CCR1: variants seen among roughly 807,000 people sequenced by gnomAD.
The protein encoded by CCR1 is C-C chemokine receptor type 1.
CCR1 carries 1 observed loss-of-function variant against 0.3 expected under a neutral mutation model. That is an observed-to-expected ratio of 3.70 (90% CI 1.31 to 17.54). The LOEUF (loss-of-function observed/expected upper bound fraction) is 17.54. Ranked by LOEUF, CCR1 falls within the 30% of genes most tolerant of loss-of-function variation. The pLI is 0.11. For missense variants in CCR1, 349 were observed against 435.4 expected (o/e 0.80, Z 1.77); for synonymous variants, 207 against 182.5 (o/e 1.13, Z -1.08).
In CCR1 at chr3:46,204,325, C is replaced by T; in HGVS notation, c.-11-1G>A. ...TTTGGAGTTTCCATCCCGGCTTCTCCTACAGGTTAAAAAAAAAAAAAAGAT... is the reference window on the plus strand; with the variant it reads ...TTTGGAGTTTCCATCCCGGCTTCTCTTACAGGTTAAAAAAAAAAAAAAGAT... On this transcript the variant is annotated splice_acceptor_variant, in intron 1 of 1. Coordinates refer to ENST00000296140, the MANE Select transcript of CCR1 (RefSeq NM_001295.3). LOFTEE classifies it low-confidence loss of function (5UTR_SPLICE). The T allele has an allele frequency of 1.3e-6, 2 of 1,512,634 alleles. No individual in the cohort carries two copies. Among genetic ancestry groups the T allele is most frequent in the Non-Finnish European group, 1.8e-6 (2 of 1,132,480 alleles). The allele number at this position is 1,512,634 out of a possible 1,614,324, so 93.7% of individuals were successfully genotyped here.
Position 46,204,139 on chromosome 3 carries a change from G to A in CCR1, c.175C>T (p.Leu59Phe). The A allele has an allele frequency of 6.2e-7, 1 of 1,614,150 alleles. No homozygotes were observed. Among genetic ancestry groups the A allele is most frequent in the Non-Finnish European group, 8.5e-7 (1 of 1,180,038 alleles). ...TTTTTTAGCCTCTTGTATTGCACAA[G>A]GACCAGGACCACCAGGATGTTTCCA... The part of the protein sequence containing the change: ...LVGNILVVLV[L>F]VQYKRLKNMT... Residue 59 changes from leucine to phenylalanine, a missense_variant, in exon 2 of 2, where the codon CTT becomes TTT. Physicochemically the swap from Leu to Phe is conservative, Grantham distance 22. Transcript: ENST00000296140.
chr3:46,203,179 G>T lies in CCR1; in HGVS notation c.*67C>A. The stretch of plus-strand genomic sequence containing the variant: ...AGTCAGAACCTGGCTGGGAGAGCCA[G>T]GCTGCTGGCTCAGTGTGCCTGGCAG... On this transcript the variant is annotated 3_prime_UTR_variant, in exon 2 of 2. Coordinates refer to ENST00000296140, the MANE Select transcript of CCR1 (RefSeq NM_001295.3). This position sits in a 1 kb window ranked among gnomAD's most constrained non-coding sequence, Gnocchi z 4.5. 1 of 1,193,140 alleles carries T rather than the reference G, an allele frequency of 8.4e-7. No homozygotes were observed. The highest frequency in any genetic ancestry group is 1.2e-6 in the Non-Finnish European group (1 of 829,662). The allele number at this position is 1,193,140 out of a possible 1,614,324, so 73.9% of individuals were successfully genotyped here. A position where few individuals can be genotyped will look rare whatever the true frequency, so the allele number is the denominator to read the frequency against.
rs1699615172 is a variant in CCR1 at position 46,203,301 on chromosome 3, C to T, written c.1013G>A (p.Arg338Lys). The change falls in exon 2 of 2, where the codon AGG becomes AAG. Residue 338 changes from arginine (R) to lysine (K), a missense_variant. Arg to Lys is a conservative substitution (Grantham distance 26). Transcript: ENST00000296140. This position sits in a 1 kb window ranked among gnomAD's most constrained non-coding sequence, Gnocchi z 4.5. ...LPFLSVDRLE[R>K]VSSTSPSTGE... ...TGTGGAGGGAGATGTGGAGCTGACC[C>T]TCTCCAGCCTGTCCACGGAGAGGAA... 6.2e-7 allele frequency: 1 copy of T among 1,614,076 alleles called. No homozygotes were observed. Among genetic ancestry groups the T allele is most frequent in the Non-Finnish European group, 8.5e-7 (1 of 1,180,040 alleles).
chr3:46,207,895 C>T (rs1304520502), intron 1 of CCR1, among the ~76,000 whole-genome samples: 1 of 152,190 alleles, frequency 6.6e-6, no homozygotes, highest in Non-Finnish European at 1.5e-5. Context: ...CTGCCTCGGT[C>T]TCCCAAAGTG....
chr3:46,206,697 CT>C (rs1699651325), intron 1 of CCR1, among the ~76,000 whole-genome samples: 1 of 152,214 alleles, frequency 6.6e-6, no homozygotes, highest in African/African-American at 2.4e-5. Context: ...ATTTCCCCAA[CT>C]TGTTAAGCCC....
In CCR1 at chr3:46,202,908, A is replaced by C. The variant is rs199999472; in HGVS notation, c.*338T>G. 5.1e-4 allele frequency: 119 copies of C among 232,304 alleles called. No homozygotes were observed. Among genetic ancestry groups the C allele is most frequent in the Non-Finnish European group, 9.3e-4 (109 of 117,634 alleles). The allele number at this position is 232,304 out of a possible 1,614,324, so 14.4% of individuals were successfully genotyped here. A position where few individuals can be genotyped will look rare whatever the true frequency, so the allele number is the denominator to read the frequency against. ...GGTTTAATTGGTTTGTGCAAGCAATAGTGGGAAGTGGGTGACTTTGTTGAC... is the reference window on the plus strand; with the variant it reads ...GGTTTAATTGGTTTGTGCAAGCAATCGTGGGAAGTGGGTGACTTTGTTGAC... On this transcript the variant is annotated 3_prime_UTR_variant, in exon 2 of 2. Coordinates refer to ENST00000296140, the MANE Select transcript of CCR1 (RefSeq NM_001295.3).
intron 1 of CCR1, among the ~76,000 whole-genome samples, chr3:46,206,229 G>A (rs1699647385): frequency 6.6e-6 from 1 of 152,028 alleles, no homozygotes; most frequent in African/African-American, 2.4e-5. Flanking sequence ...CCATTGTAAA[G>A]GAAATTAAGG....
chr3:46,202,626 C>G lies in CCR1; in HGVS notation c.*620G>C, dbSNP rs1699606391. On this transcript the variant is annotated 3_prime_UTR_variant, in exon 2 of 2. Coordinates refer to ENST00000296140, the MANE Select transcript of CCR1 (RefSeq NM_001295.3). Reference sequence around the variant, plus strand: ...TATTTCTCGTTAGGTCTCAACTCTTCCGTCATGAGTTCTATGTTCCCCAGG... The same window carrying G: ...TATTTCTCGTTAGGTCTCAACTCTTGCGTCATGAGTTCTATGTTCCCCAGG... 3 of 152,160 alleles carry G rather than the reference C, an allele frequency of 2.0e-5. No individual in the cohort carries two copies. Among genetic ancestry groups the G allele is most frequent in the African/African-American group, 7.2e-5 (3 of 41,426 alleles). 9.4% of individuals were successfully genotyped at this position (152,160 alleles called of 1,614,324 possible).
At chr3:46,205,941 A>G (rs1023853048) in intron 1 of CCR1, among the ~76,000 whole-genome samples, 7 of 151,988 alleles carry the variant, frequency 4.6e-5, no homozygotes, top group African/African-American at 1.7e-4. Context: ...TGGCTGGTAT[A>G]CCCTGTCTCC....
Position 46,204,297 on chromosome 3 carries a change from G to A in CCR1, c.17C>T (p.Thr6Ile), listed in dbSNP as rs1699627644. 1 of 1,571,844 alleles carries A rather than the reference G, an allele frequency of 6.4e-7. No individual in the cohort carries two copies. The highest frequency in any genetic ancestry group is 1.4e-5 in the African/African-American group (1 of 72,608). The change falls in exon 2 of 2, where the codon ACC becomes ATC. Residue 6 changes from threonine to isoleucine, a missense_variant. Coordinates refer to ENST00000296140, the MANE Select transcript of CCR1 (RefSeq NM_001295.3). METPN[T>I]TEDYDTTTEF... ...TGTGGTCGTGTCATAGTCCTCTGTG[G>A]TGTTTGGAGTTTCCATCCCGGCTTC...
Position 46,203,417 on chromosome 3 carries a change from C to T in CCR1, c.897G>A (p.Val299=). The T allele has an allele frequency of 6.2e-7, 1 of 1,614,186 alleles. No homozygotes were observed. The highest frequency in any genetic ancestry group is 8.5e-7 in the Non-Finnish European group (1 of 1,180,040). ...ACCTCTCACCAACGAAGGCGTAGAT[C>T]ACTGGGTTGACACAGCAGTGCGTGT... The part of the protein sequence containing the change: ...IAYTHCCVNP[V]IYAFVGERFR... The change falls in exon 2 of 2, where the codon GTG becomes GTA. Residue 299 remains valine (V), a synonymous_variant. Coordinates refer to ENST00000296140, the MANE Select transcript of CCR1 (RefSeq NM_001295.3). This position sits in a 1 kb window ranked among gnomAD's most constrained non-coding sequence, Gnocchi z 4.5.
chr3:46,207,123 T>C (rs1288562547), intron 1 of CCR1, among the ~76,000 whole-genome samples: 1 of 152,196 alleles, frequency 6.6e-6, no homozygotes, highest in African/African-American at 2.4e-5. Context: ...AGCAGGGATC[T>C]TTTCTTCAGA....
At position 46,203,886 on chromosome 3, in the gene CCR1, C is replaced by T. The variant is rs1172370267; in HGVS notation, c.428G>A (p.Arg143Gln). Residue 143 changes from arginine to glutamine, a missense_variant, in exon 2 of 2, where the codon CGG becomes CAG. Arg to Gln is a conservative substitution (Grantham distance 43, BLOSUM62 1). Transcript: ENST00000296140. This position sits in a 1 kb window ranked among gnomAD's most constrained non-coding sequence, Gnocchi z 4.5. ...LAIVHAVFAL[R>Q]ARTVTFGVIT... ...GACACCAAAAGTGACGGTCCGTGCC[C>T]GCAAGGCAAACACGGCGTGGACGAT... is the stretch of plus-strand genomic sequence containing the variant. 22 of 1,614,134 alleles carry T rather than the reference C, an allele frequency of 1.4e-5. No individual in the cohort carries two copies. Among genetic ancestry groups the T allele is most frequent in the East Asian group, 4.5e-5 (2 of 44,884 alleles).
At chr3:46,205,644 T>C (rs1003910180) in intron 1 of CCR1, among the ~76,000 whole-genome samples, 1 of 152,132 alleles carries the variant, frequency 6.6e-6, no homozygotes, top group Non-Finnish European at 1.5e-5. Context: ...TGACTTTGGA[T>C]AAATTATTTT....
Position 46,204,284 on chromosome 3 carries a change from A to G in CCR1, c.30T>C (p.Tyr10=), listed in dbSNP as rs6781047. The stretch of plus-strand genomic sequence containing the variant: ...CATAGTCAAACTCTGTGGTCGTGTC[A>G]TAGTCCTCTGTGGTGTTTGGAGTTT... The part of the protein sequence containing the change: METPNTTED[Y]DTTTEFDYGD... The change falls in exon 2 of 2, where the codon TAT becomes TAC. Residue 10 remains tyrosine, a synonymous_variant. Transcript: ENST00000296140. 2 of 1,608,758 alleles carry G rather than the reference A, an allele frequency of 1.2e-6. No homozygotes were observed. Among genetic ancestry groups the G allele is most frequent in the Non-Finnish European group, 1.7e-6 (2 of 1,177,498 alleles).
At position 46,202,755 on chromosome 3, in the gene CCR1, C is replaced by A. The variant is rs956843836; in HGVS notation, c.*491G>T. The stretch of plus-strand genomic sequence containing the variant: ...GGAGTCACTGTGGAAATCACTATTT[C>A]CAAGTTCTTTGGCAGTGGGAGGGTG... On this transcript the variant is annotated 3_prime_UTR_variant, in exon 2 of 2. Transcript: ENST00000296140. 2 of 149,286 alleles carry A rather than the reference C, an allele frequency of 1.3e-5. No homozygotes were observed. Among genetic ancestry groups the A allele is most frequent in the African/African-American group, 5.1e-5 (2 of 39,570 alleles). 9.2% of individuals were successfully genotyped at this position (149,286 alleles called of 1,614,324 possible).
rs746535725 is a variant in CCR1, at chr3:46,203,602, C to G, written c.712G>C (p.Val238Leu). The G allele has an allele frequency of 1.2e-6, 2 of 1,614,038 alleles. No individual in the cohort carries two copies. The highest frequency in any genetic ancestry group is 1.7e-6 in the Non-Finnish European group (2 of 1,179,914). ...RRPNEKKSKA[V>L]RLIFVIMIIF... Reference sequence around the variant, plus strand: ...ATCATGATGACAAAAATCAAACGGACAGCTTTGGATTTCTTCTCATTTGGT... The same window carrying G: ...ATCATGATGACAAAAATCAAACGGAGAGCTTTGGATTTCTTCTCATTTGGT... The change falls in exon 2 of 2, where the codon GTC becomes CTC. Residue 238 changes from valine to leucine, a missense_variant. Coordinates refer to ENST00000296140, the MANE Select transcript of CCR1 (RefSeq NM_001295.3). This position sits in a 1 kb window ranked among gnomAD's most constrained non-coding sequence, Gnocchi z 4.5.
Position 46,202,038 on chromosome 3 carries a change from G to A in CCR1, c.*1208C>T, listed in dbSNP as rs1465360035. The A allele has an allele frequency of 6.6e-6, 1 of 152,050 alleles. No individual in the cohort carries two copies. The highest frequency in any genetic ancestry group is 2.4e-5 in the African/African-American group (1 of 41,358). 9.4% of individuals were successfully genotyped at this position (152,050 alleles called of 1,614,324 possible). On this transcript the variant is annotated 3_prime_UTR_variant, in exon 2 of 2. Coordinates refer to ENST00000296140, the MANE Select transcript of CCR1 (RefSeq NM_001295.3). ...GAGAACAAAGGCATGATAAATAAGG[G>A]GTCCTTGGTTGGAGATGATGCATCC... is the stretch of plus-strand genomic sequence containing the variant.
intron 1 of CCR1, among the ~76,000 whole-genome samples, chr3:46,204,853 G>A (rs372237600): frequency 2.8e-4 from 43 of 152,300 alleles, no homozygotes; most frequent in African/African-American, 1.0e-3. Context: ...TCTCATGCCC[G>A]GCCCTGACAC....
Sources: allele counts gnomAD v4.1 joint callset (sites outside exome capture counted in the v4.1 genomes callset), GRCh38; gene constraint gnomAD v4.1.1; non-coding constraint Gnocchi (gnomAD v3.1); transcripts MANE v1.5; gene names NCBI Gene and HGNC (gene_info 2026-07-23, HGNC 2026-07-21).